The following MATN2 variants were observed in gnomAD, a reference collection of about 807,000 sequenced individuals.
MATN2 encodes the protein matrilin-2.
MATN2 carries 69 observed loss-of-function variants against 103.2 expected under a neutral mutation model. The ratio of observed to expected loss-of-function variants is 0.67; its 90% CI spans 0.55 to 0.82. The LOEUF (loss-of-function observed/expected upper bound fraction) is 0.82, where lower values mean the gene tolerates loss of function less well. MATN2 is among the 40% of genes least tolerant of loss of function. The pLI, the probability that MATN2 is intolerant of heterozygous loss-of-function variation, is 0.00. For missense variants in MATN2, 1,023 were observed against 1,211.5 expected (o/e 0.84, Z 2.31); for synonymous variants, 429 against 450.2 (o/e 0.95, Z 0.60).
chr8:97,983,288 A>G (rs1415198291), intron 6 of MATN2, among the ~76,000 whole-genome samples: 1 of 152,116 alleles, frequency 6.6e-6, no homozygotes, highest in African/African-American at 2.4e-5. Flanking sequence ...CTGTTGATGG[A>G]CGTTTGGGCT....
chr8:97,873,864 G>A (rs956308145), intron 1 of MATN2, among the ~76,000 whole-genome samples: 12 of 152,216 alleles, frequency 7.9e-5, no homozygotes, highest in African/African-American at 1.9e-4. Context: ...CTGAGTTCAA[G>A]TGATCCTCTT....
chr8:98,001,462 C>CTT (rs35005441), intron 7 of MATN2, among the ~76,000 whole-genome samples: 254 of 118,912 alleles, frequency 2.1e-3, no homozygotes, highest in East Asian at 6.5e-3. Context: ...ACACTTTTGT[C>CTT]TTTTTTTTTT....
intron 2 of MATN2, 66 bp downstream of exon 2, chr8:97,888,308 G>A (rs1818515261): frequency 1.4e-6 from 2 of 1,390,452 alleles, no homozygotes; most frequent in South Asian, 1.7e-5. Context: ...CTCAGGGACA[G>A]GGATTGGTGA....
chr8:98,002,684 A>C (rs1812827427), intron 7 of MATN2, among the ~76,000 whole-genome samples: 1 of 152,156 alleles, frequency 6.6e-6, no homozygotes, highest in African/African-American at 2.4e-5. Context: ...GCCATCAAAG[A>C]GGGAAAATGC....
At chr8:97,907,039 C>T (rs1362915000) in intron 2 of MATN2, among the ~76,000 whole-genome samples, 5 of 138,960 alleles carry the variant, frequency 3.6e-5, no homozygotes, top group Admixed American at 1.5e-4. Flanking sequence ...CTTGCTCTGT[C>T]GCCCAGGCTG....
At chr8:98,024,167 T>G (rs1178796352) in intron 13 of MATN2, among the ~76,000 whole-genome samples, 3 of 152,156 alleles carry the variant, frequency 2.0e-5, no homozygotes, top group Admixed American at 6.5e-5. Context: ...AACCTGCACG[T>G]CCTGCAGATG....
intron 8 of MATN2, chr8:98,004,286 C>CA (rs60031012): frequency 5.5e-4 from 76 of 138,570 alleles, no homozygotes; most frequent in East Asian, 1.4e-3. Context: ...AACTTCATCT[C>CA]AAAAAAAAAA....
chr8:97,978,779 C>A, intron 5 of MATN2, 107 bp from the exon 6 acceptor site: 3 of 1,062,428 alleles, frequency 2.8e-6, no homozygotes, highest in South Asian at 1.4e-5. Flanking sequence ...TTTTGGGGGG[C>A]AATAATATTA....
Position 98,007,373 on chromosome 8 carries a change from T to C in MATN2, c.1451-106T>C, listed in dbSNP as rs1474447725. 3 of 1,553,370 alleles carry C rather than the reference T, an allele frequency of 1.9e-6. No individual in the cohort carries two copies. Among genetic ancestry groups the C allele is most frequent in the Non-Finnish European group, 2.6e-6 (3 of 1,138,374 alleles). On this transcript the variant is annotated intron_variant, in intron 9 of 18. Coordinates refer to ENST00000254898, the MANE Select transcript of MATN2 (RefSeq NM_002380.5). The surrounding 1 kb of genome is among the most constrained non-coding windows in gnomAD (Gnocchi z 4.2). ...AGATAGTGAGGATGTCCACTGGGAC[T>C]GCATGCCTTCGAGGGAGGGCGGGGT...
intron 2 of MATN2, among the ~76,000 whole-genome samples, chr8:97,904,219 T>C (rs548218799): frequency 9.8e-5 from 15 of 152,382 alleles, no homozygotes; most frequent in Non-Finnish European, 1.9e-4. Context: ...CATAAAACCA[T>C]CTGGGTTGAA....
At chr8:97,959,889 G>A (rs16896467) in intron 4 of MATN2, among the ~76,000 whole-genome samples, 13,753 of 152,202 alleles carry the variant, frequency 0.09, 893 homozygotes, top group Admixed American at 0.2. Context: ...TGTAGCCATT[G>A]GATTCAGGAA....
At chr8:98,012,689 T>C (rs1813213373) in intron 10 of MATN2, among the ~76,000 whole-genome samples, 1 of 152,158 alleles carries the variant, frequency 6.6e-6, no homozygotes, top group Admixed American at 6.5e-5. Context: ...CTAGTTTGTC[T>C]TCTGAGAATC....
intron 7 of MATN2, among the ~76,000 whole-genome samples, chr8:98,002,312 TC>T (rs1183934291): frequency 6.6e-6 from 1 of 152,162 alleles, no homozygotes; most frequent in Non-Finnish European, 1.5e-5. Context: ...ATACGCCTCC[TC>T]CAGTCCCACG....
intron 4 of MATN2, among the ~76,000 whole-genome samples, chr8:97,945,515 C>T (rs767767213): frequency 4.0e-5 from 6 of 151,750 alleles, no homozygotes; most frequent in African/African-American, 7.3e-5. Flanking sequence ...TTCTCCAAGC[C>T]GGGAAGACAG....
intron 1 of MATN2, among the ~76,000 whole-genome samples, chr8:97,882,691 G>A (rs903197245): frequency 2.0e-5 from 3 of 152,080 alleles, no homozygotes; most frequent in Non-Finnish European, 2.9e-5. Context: ...CCACCGTGCC[G>A]AGCCAAGGTT....
At chr8:97,910,035 G>A (rs565846695) in intron 2 of MATN2, among the ~76,000 whole-genome samples, 5 of 151,228 alleles carry the variant, frequency 3.3e-5, no homozygotes, top group Admixed American at 6.6e-5. Context: ...CGCTCACCTC[G>A]GCCTCCCAAA....
chr8:97,999,861 CTTTTTT>C (rs71271182), intron 7 of MATN2, among the ~76,000 whole-genome samples: 1 of 138,442 alleles, frequency 7.2e-6, no homozygotes, highest in Admixed American at 7.2e-5. Context: ...GTCACGGATT[CTTTTTT>C]TTTTTTTTTT....
chr8:98,016,576 A>C lies in MATN2; in HGVS notation c.1610A>C (p.Glu537Ala). 1 of 1,611,266 alleles carries C rather than the reference A, an allele frequency of 6.2e-7. No homozygotes were observed. The highest frequency in any genetic ancestry group is 8.5e-7 in the Non-Finnish European group (1 of 1,178,558). ...TGTGCTCTGGGGGACCACGGTTGTG[A>C]ACATTCGTGTGTAAGCAGTGAAGAT... ...DSCALGDHGC[E>A]HSCVSSEDSF... Residue 537 changes from glutamate (E) to alanine (A), a missense_variant, in exon 11 of 19, where the codon GAA becomes GCA. Physicochemically the swap from Glu to Ala is moderately radical, Grantham distance 107 (BLOSUM62 -1). Coordinates refer to ENST00000254898, the MANE Select transcript of MATN2 (RefSeq NM_002380.5).
chr8:97,887,233 A>G (rs1308507090), intron 1 of MATN2, among the ~76,000 whole-genome samples: 1 of 151,790 alleles, frequency 6.6e-6, no homozygotes, highest in Non-Finnish European at 1.5e-5. Flanking sequence ...TTTTTTGTAG[A>G]AACGAGGCCT....
Sources: allele counts gnomAD v4.1 joint callset (sites outside exome capture counted in the v4.1 genomes callset), GRCh38; gene constraint gnomAD v4.1.1; non-coding constraint Gnocchi (gnomAD v3.1); transcripts MANE v1.5; gene names NCBI Gene and HGNC (gene_info 2026-07-23, HGNC 2026-07-21).